Variants in PTPRT observed in about 807,000 individuals in gnomAD.
PTPRT encodes the protein protein tyrosine phosphatase receptor type T.
Under a neutral mutation model 176.8 loss-of-function variants are expected in PTPRT, and 56 were observed. The observed-to-expected ratio is 0.32, with a 90% CI of 0.26 to 0.40. The LOEUF (loss-of-function observed/expected upper bound fraction) is 0.40. Among genes scored for constraint, PTPRT ranks in the 10% least tolerant of loss-of-function variants. PTPRT has a pLI of 1.00. For synonymous variants in PTPRT, 783 were observed against 739.0 expected (o/e 1.06, Z -0.96); for missense variants, 1,540 against 1,908.2 (o/e 0.81, Z 3.60).
intron 6 of PTPRT, among the ~76,000 whole-genome samples, chr20:42,697,726 CATGT>C (rs2075904285): frequency 6.6e-6 from 1 of 152,170 alleles, no homozygotes; most frequent in Non-Finnish European, 1.5e-5. Context: ...CCTTTGTGGG[CATGT>C]ACACAATAAA....
intron 15 of PTPRT, among the ~76,000 whole-genome samples, chr20:42,201,952 T>TGTGTGTGTGTGTGTGTGTGTGA (rs1457732542): frequency 2.1e-5 from 3 of 142,044 alleles, no homozygotes; most frequent in Admixed American, 7.0e-5. Context: ...AAAAGTTGCG[T>TGTGTGTGTGTGTGTGTGTGTGA]GTGTGTGTGT....
chr20:42,047,766 A>C, the PTPRT span, among the ~76,000 whole-genome samples: 1 of 152,130 alleles, frequency 6.6e-6, no homozygotes, highest in Non-Finnish European at 1.5e-5. Context: ...TCTGGGAGAC[A>C]CTGGGCCCTT....
rs576349122 is a variant in PTPRT, at chr20:43,153,773, A to G, written c.88+35873T>C. Among the ~76,000 whole-genome samples, 16 of 152,346 alleles carry G rather than the reference A, an allele frequency of 1.1e-4. No homozygotes were observed. The South Asian group carries it at 3.3e-3, about 32-fold the overall frequency. ...GTAAAAAGATTAGCGCAATCGGTCA[A>G]TGTAACTGCAGTGGGATTGAATTTC... is the stretch of plus-strand genomic sequence containing the variant. On this transcript the variant is annotated intron_variant, in intron 1 of 30. Coordinates refer to ENST00000373187, the MANE Select transcript of PTPRT (RefSeq NM_007050.6).
At chr20:42,606,510 T>C (rs1379100244) in intron 7 of PTPRT, among the ~76,000 whole-genome samples, 1 of 152,210 alleles carries the variant, frequency 6.6e-6, no homozygotes, top group Admixed American at 6.5e-5. Context: ...TAATACCTTT[T>C]GGTTGATAAA....
chr20:42,320,361 C>T (rs1326577859), intron 11 of PTPRT, among the ~76,000 whole-genome samples: 1 of 152,166 alleles, frequency 6.6e-6, no homozygotes, highest in Non-Finnish European at 1.5e-5. Context: ...GGACCAGGGA[C>T]CTATCAGAGC....
At chr20:42,889,929 G>A (rs1049918008) in intron 1 of PTPRT, among the ~76,000 whole-genome samples, 1 of 152,132 alleles carries the variant, frequency 6.6e-6, no homozygotes, top group Non-Finnish European at 1.5e-5. Context: ...TAGAAAAAAA[G>A]CAAAACCTGG....
the PTPRT span, chr20:42,063,495 T>G: frequency 2.0e-5 from 3 of 152,184 alleles, no homozygotes; most frequent in Non-Finnish European, 2.9e-5. Context: ...CCCAGCTTCT[T>G]ATTTTGCACA....
chr20:42,854,055 C>A (rs6030527), intron 2 of PTPRT, among the ~76,000 whole-genome samples: 8,527 of 152,182 alleles, frequency 0.056, 802 homozygotes, highest in African/African-American at 0.19. Flanking sequence ...TGGAGTAGAA[C>A]TGGGGAGACC....
intron 1 of PTPRT, among the ~76,000 whole-genome samples, chr20:43,094,866 A>C (rs1178035991): frequency 6.6e-6 from 1 of 152,184 alleles, no homozygotes. Flanking sequence ...CAGGCTGTGG[A>C]AAGGGGCTAA....
At chr20:42,115,403 G>A (rs753311964) in intron 21 of PTPRT, 88 bp from the exon 22 acceptor site, 5 of 1,011,170 alleles carry the variant, frequency 4.9e-6, no homozygotes, top group Non-Finnish European at 7.8e-6. Context: ...TGTCTCATCT[G>A]GTCGTCCCAT....
intron 9 of PTPRT, among the ~76,000 whole-genome samples, chr20:42,439,173 G>A (rs2059289840): frequency 6.6e-6 from 1 of 152,130 alleles, no homozygotes; most frequent in Non-Finnish European, 1.5e-5. Context: ...ATGAGCTGTG[G>A]ACTAGAACAA....
chr20:42,103,959 T>C (rs1367495772), intron 25 of PTPRT, among the ~76,000 whole-genome samples: 1 of 152,196 alleles, frequency 6.6e-6, no homozygotes, highest in Non-Finnish European at 1.5e-5. Context: ...ACACTGAAAG[T>C]GCATAGATCA....
At chr20:42,396,836 G>C (rs1052637768) in intron 9 of PTPRT, among the ~76,000 whole-genome samples, 1 of 152,178 alleles carries the variant, frequency 6.6e-6, no homozygotes, top group East Asian at 1.9e-4. Flanking sequence ...GGGACTATAG[G>C]CGTGAGCCAC....
At chr20:43,116,950 T>C (rs1366660523) in intron 1 of PTPRT, among the ~76,000 whole-genome samples, 1 of 152,148 alleles carries the variant, frequency 6.6e-6, no homozygotes, top group Non-Finnish European at 1.5e-5. Flanking sequence ...GTCTGTATGT[T>C]GTCTGGGGTC....
intron 12 of PTPRT, among the ~76,000 whole-genome samples, chr20:42,309,362 G>C (rs1203538994): frequency 1.3e-5 from 2 of 152,158 alleles, no homozygotes; most frequent in African/African-American, 2.4e-5. Flanking sequence ...CCCACCCGCT[G>C]TTTAGAACTG....
At chr20:42,195,773 C>T (rs73262920) in intron 16 of PTPRT, among the ~76,000 whole-genome samples, 1 of 151,796 alleles carries the variant, frequency 6.6e-6, no homozygotes, top group East Asian at 1.9e-4. Context: ...AGGTTTATAC[C>T]TCTCTCTGTA....
At chr20:42,069,175 T>A (rs961941548), downstream of PTPRT, among the ~76,000 whole-genome samples, 1 of 152,214 alleles carries the variant, frequency 6.6e-6, no homozygotes, top group Non-Finnish European at 1.5e-5. Flanking sequence ...ACCATGTAGC[T>A]GGGCCCCTTC....
In PTPRT at chr20:43,126,309, C is replaced by T. The variant is rs1409235359; in HGVS notation, c.88+63337G>A. ...GAGGTTGCAGTGAGCCAACATCACGCCATTGCACTCTAGCCTGGGCAACAG... is the reference window on the plus strand; with the variant it reads ...GAGGTTGCAGTGAGCCAACATCACGTCATTGCACTCTAGCCTGGGCAACAG... On this transcript the variant is annotated intron_variant, in intron 1 of 30. Coordinates refer to ENST00000373187, the MANE Select transcript of PTPRT (RefSeq NM_007050.6). Among the ~76,000 whole-genome samples, 3 of 151,408 alleles carry T rather than the reference C, an allele frequency of 2.0e-5. No homozygotes were observed. The East Asian group carries it at 5.8e-4, about 29-fold the overall frequency.
At chr20:42,782,017 C>A (rs2077222245) in intron 3 of PTPRT, among the ~76,000 whole-genome samples, 1 of 152,072 alleles carries the variant, frequency 6.6e-6, no homozygotes, top group South Asian at 2.1e-4. Context: ...AGTTAAGACC[C>A]CACTTAGAAC....
Sources: allele counts gnomAD v4.1 joint callset (sites outside exome capture counted in the v4.1 genomes callset), GRCh38; gene constraint gnomAD v4.1.1; transcripts MANE v1.5; gene names NCBI Gene and HGNC (gene_info 2026-07-23, HGNC 2026-07-21).